Variants in SGCZ observed in about 807,000 individuals in gnomAD.
SGCZ encodes the protein sarcoglycan zeta, also known as zeta-sarcoglycan.
Under a neutral mutation model 41.3 loss-of-function variants are expected in SGCZ, and 40 were observed. That is an observed-to-expected ratio of 0.97 (90% CI 0.75 to 1.26). The LOEUF (loss-of-function observed/expected upper bound fraction) is 1.26. Ranked by LOEUF, SGCZ falls within the 50% of genes most tolerant of loss-of-function variation. The pLI is 0.00. For missense variants in SGCZ, 552 were observed against 369.8 expected, an observed-to-expected ratio of 1.49 and a Z score of -4.04; for synonymous variants, 206 against 137.5, an observed-to-expected ratio of 1.50 and a Z score of -3.49.
At chr8:14,752,156 T>C (rs1175211450) in intron 1 of SGCZ, among the ~76,000 whole-genome samples, 9 of 119,966 alleles carry the variant, frequency 7.5e-5, no homozygotes, top group African/African-American at 2.3e-4. Flanking sequence ...AAAAAAATCA[T>C]ACCCTTCCTC....
intron 1 of SGCZ, among the ~76,000 whole-genome samples, chr8:14,602,150 T>C (rs1188791035): frequency 6.6e-6 from 1 of 151,642 alleles, no homozygotes; most frequent in Non-Finnish European, 1.5e-5. Context: ...TAAAATAAAA[T>C]AAAAAAGTAT....
At chr8:14,578,724 A>C (rs1226966168) in intron 1 of SGCZ, among the ~76,000 whole-genome samples, 1 of 152,184 alleles carries the variant, frequency 6.6e-6, no homozygotes, top group Non-Finnish European at 1.5e-5. Flanking sequence ...AAAATGATTC[A>C]TGGTAACAGT....
At chr8:14,625,067 T>A (rs553237065) in intron 1 of SGCZ, among the ~76,000 whole-genome samples, 2 of 152,334 alleles carry the variant, frequency 1.3e-5, no homozygotes, top group African/African-American at 4.8e-5. Context: ...TTAATAAACA[T>A]ACATGTTTCC....
intron 1 of SGCZ, among the ~76,000 whole-genome samples, chr8:15,174,495 G>A (rs566781267): frequency 4.2e-4 from 64 of 152,132 alleles, no homozygotes; most frequent in African/African-American, 1.5e-3. Flanking sequence ...TAAGCTTGAC[G>A]AAAATACAAA....
intron 5 of SGCZ, among the ~76,000 whole-genome samples, chr8:14,111,524 G>A (rs1240763827): frequency 6.6e-6 from 1 of 152,110 alleles, no homozygotes. Flanking sequence ...TAAACTTATT[G>A]AATAAATGTT....
intron 1 of SGCZ, among the ~76,000 whole-genome samples, chr8:14,725,701 C>T (rs958520985): frequency 5.3e-5 from 8 of 151,982 alleles, no homozygotes; most frequent in South Asian, 2.1e-4. Context: ...TTTTGGACAA[C>T]GATATCAAGG....
intron 1 of SGCZ, among the ~76,000 whole-genome samples, chr8:15,132,469 T>A (rs1207266200): frequency 6.6e-6 from 1 of 152,174 alleles, no homozygotes; most frequent in Non-Finnish European, 1.5e-5. Flanking sequence ...CATGAATGAA[T>A]AGATGCATGC....
chr8:14,836,528 T>C (rs1168071037), intron 1 of SGCZ, among the ~76,000 whole-genome samples: 1 of 152,208 alleles, frequency 6.6e-6, no homozygotes, highest in Non-Finnish European at 1.5e-5. Flanking sequence ...AGACGGGGTC[T>C]CACTCTGTTG....
chr8:14,920,139 C>G (rs1281779930), intron 1 of SGCZ, among the ~76,000 whole-genome samples: 1 of 152,046 alleles, frequency 6.6e-6, no homozygotes, highest in Non-Finnish European at 1.5e-5. Context: ...ACAAGTTGAA[C>G]AAATGAAACA....
intron 1 of SGCZ, among the ~76,000 whole-genome samples, chr8:14,732,328 C>G (rs1217869699): frequency 1.3e-5 from 2 of 152,156 alleles, no homozygotes; most frequent in African/African-American, 4.8e-5. Context: ...TGGGTGTGGA[C>G]TCTCTGACCC....
intron 1 of SGCZ, among the ~76,000 whole-genome samples, chr8:14,581,801 A>AGTTT (rs571496003): frequency 1.4e-3 from 219 of 152,322 alleles, no homozygotes; most frequent in African/African-American, 5.0e-3. Flanking sequence ...ACAAAAAGAA[A>AGTTT]ACTGAAGTAT....
At chr8:15,235,860 A>G (rs113477290) in intron 1 of SGCZ, among the ~76,000 whole-genome samples, 2,411 of 152,294 alleles carry the variant, frequency 0.016, 61 homozygotes, top group African/African-American at 0.054. Context: ...CACAGATCAC[A>G]ATCATTATCA....
At chr8:15,068,830 C>T (rs968530255) in intron 1 of SGCZ, among the ~76,000 whole-genome samples, 1 of 152,070 alleles carries the variant, frequency 6.6e-6, no homozygotes, top group Non-Finnish European at 1.5e-5. Context: ...CCAATTAAAC[C>T]CAGCAAACCA....
chr8:14,510,135 G>T (rs2117073050), intron 2 of SGCZ, among the ~76,000 whole-genome samples: 1 of 152,130 alleles, frequency 6.6e-6, no homozygotes, highest in Non-Finnish European at 1.5e-5. Context: ...AATTTCCTCT[G>T]CAACACTCAG....
chr8:14,866,765 G>A (rs1803947768), intron 1 of SGCZ, among the ~76,000 whole-genome samples: 1 of 151,994 alleles, frequency 6.6e-6, no homozygotes, highest in Non-Finnish European at 1.5e-5. Flanking sequence ...TTTTACACCA[G>A]CCTGGAAAAC....
intron 1 of SGCZ, among the ~76,000 whole-genome samples, chr8:15,152,727 C>T (rs539000289): frequency 5.9e-5 from 9 of 152,284 alleles, no homozygotes; most frequent in African/African-American, 2.2e-4. Flanking sequence ...CTCCAGAGTA[C>T]GTATCTTATT....
intron 4 of SGCZ, among the ~76,000 whole-genome samples, chr8:14,194,296 T>C (rs113317095): frequency 3.3e-5 from 5 of 152,058 alleles, no homozygotes; most frequent in African/African-American, 1.2e-4. Context: ...CTGTAGTTTA[T>C]TCTGGGTATT....
chr8:14,560,533 T>C (rs375748843), intron 1 of SGCZ, among the ~76,000 whole-genome samples: 12 of 151,932 alleles, frequency 7.9e-5, no homozygotes, highest in Admixed American at 2.6e-4. Context: ...CCTTGTAGAG[T>C]TGGTCTCTGA....
chr8:14,719,647 G>C (rs1333523686), intron 1 of SGCZ, among the ~76,000 whole-genome samples: 1 of 151,164 alleles, frequency 6.6e-6, no homozygotes, highest in Non-Finnish European at 1.5e-5. Flanking sequence ...CTGCATAAAT[G>C]TCTTCTTTTG....
Sources: allele counts gnomAD v4.1 joint callset (sites outside exome capture counted in the v4.1 genomes callset), GRCh38; gene constraint gnomAD v4.1.1; transcripts MANE v1.5; gene names NCBI Gene and HGNC (gene_info 2026-07-23, HGNC 2026-07-21).